SLC37A1: variants seen among roughly 807,000 people sequenced by gnomAD.
The protein encoded by SLC37A1 is glucose-6-phosphate exchanger SLC37A1.
A neutral mutation model predicts 75.3 loss-of-function variants in SLC37A1; 49 were observed. The observed-to-expected ratio is 0.65, with a 90% CI of 0.52 to 0.83. The LOEUF (loss-of-function observed/expected upper bound fraction) is 0.83. Ranked by LOEUF, SLC37A1 falls within the 40% of genes least tolerant of loss-of-function variation. The pLI, the probability that SLC37A1 is intolerant of heterozygous loss-of-function variation, is 0.00. For missense variants in SLC37A1, 566 were observed against 695.0 expected (o/e 0.81, Z 2.09); for synonymous variants, 268 against 292.1 (o/e 0.92, Z 0.84).
chr21:42,541,354 G>A (rs868336082), intron 6 of SLC37A1, among the ~76,000 whole-genome samples: 2 of 152,080 alleles, frequency 1.3e-5, no homozygotes, highest in Admixed American at 6.5e-5. Flanking sequence ...GCTTACTGCA[G>A]TGAGGTGGTC....
At chr21:42,517,577 T>G (rs2054545631) in intron 1 of SLC37A1, among the ~76,000 whole-genome samples, 1 of 152,170 alleles carries the variant, frequency 6.6e-6, no homozygotes, top group Admixed American at 6.5e-5. Context: ...CTCAGGAATG[T>G]CATGAGTTTG....
At chr21:42,526,097 G>T in intron 3 of SLC37A1, 1 of 440,444 alleles carries the variant, frequency 2.3e-6, no homozygotes, top group South Asian at 3.6e-5. Flanking sequence ...GACATTTCCA[G>T]AATTTGAAAG....
intron 2 of SLC37A1, among the ~76,000 whole-genome samples, chr21:42,521,004 A>G (rs2054634852): frequency 6.6e-6 from 1 of 152,224 alleles, no homozygotes; most frequent in Non-Finnish European, 1.5e-5. Context: ...AGTAGGAGAA[A>G]TGCACGCTCG....
intron 12 of SLC37A1, 33 bp downstream of exon 12, chr21:42,562,201 G>A (rs532569450): frequency 4.5e-5 from 71 of 1,583,708 alleles, no homozygotes; most frequent in East Asian, 3.4e-4. Context: ...ATTAAATTCC[G>A]CACAGTGACT....
In SLC37A1 at chr21:42,539,433, C is replaced by A. The variant is rs763143679; in HGVS notation, c.351-79C>A. On this transcript the variant is annotated intron_variant, in intron 5 of 19. Transcript: ENST00000352133. ...GCTCAGAGAACAGCATGAAAGCATC[C>A]GGCAAGAAACAGCCACGAGGTTGCT... The A allele has an allele frequency of 2.0e-6, 3 of 1,486,010 alleles. No individual in the cohort carries two copies. The East Asian group carries it at 7.3e-5, about 36-fold the overall frequency. 92.1% of individuals were successfully genotyped at this position (1,486,010 alleles called of 1,614,324 possible). A position where few individuals can be genotyped will look rare whatever the true frequency, so the allele number is the denominator to read the frequency against.
chr21:42,557,296 G>A (rs893604950), intron 10 of SLC37A1, among the ~76,000 whole-genome samples: 8 of 152,384 alleles, frequency 5.2e-5, no homozygotes, highest in South Asian at 2.1e-4. Context: ...GACTGCTTCC[G>A]TGGGGCTGGG....
At position 42,575,624 on chromosome 21, in the gene SLC37A1, C is replaced by T. The variant is rs898751481; in HGVS notation, c.1521+709C>T. On this transcript the variant is annotated intron_variant, in intron 18 of 19. Transcript: ENST00000352133. Reference sequence around the variant, plus strand: ...ATACACATCTTTACAAGTCACCTGGCCACAAAGTCCCCAGACCCACAGCCA... The same window carrying T: ...ATACACATCTTTACAAGTCACCTGGTCACAAAGTCCCCAGACCCACAGCCA... 3.0e-6 allele frequency: 3 copies of T among 985,362 alleles called. No homozygotes were observed. The African/African-American group carries it at 5.2e-5, about 17-fold the overall frequency. 61.0% of individuals were successfully genotyped at this position (985,362 alleles called of 1,614,324 possible). A position where few individuals can be genotyped will look rare whatever the true frequency, so the allele number is the denominator to read the frequency against.
intron 12 of SLC37A1, among the ~76,000 whole-genome samples, chr21:42,563,476 C>CCCTGTGGTCAGACAGCA (rs143428135): frequency 6.6e-6 from 1 of 151,950 alleles, no homozygotes; most frequent in African/African-American, 2.4e-5. Flanking sequence ...AGTTCTAAAG[C>CCCTGTGGTCAGACAGCA]CGTGTGACAG....
intron 1 of SLC37A1, among the ~76,000 whole-genome samples, chr21:42,500,255 A>G (rs1401477445): frequency 6.6e-6 from 1 of 152,240 alleles, no homozygotes. Context: ...ATGCATATTT[A>G]TAAACAAACA....
chr21:42,564,065 ACT>A (rs370021167), intron 13 of SLC37A1, among the ~76,000 whole-genome samples, 188 bp downstream of exon 13: 68 of 151,680 alleles, frequency 4.5e-4, no homozygotes, highest in African/African-American at 1.6e-3. Context: ...CAGGGCCCTG[ACT>A]CTGCACTTGA....
At chr21:42,525,209 T>C (rs1181981805) in intron 2 of SLC37A1, among the ~76,000 whole-genome samples, 2 of 152,244 alleles carry the variant, frequency 1.3e-5, no homozygotes, top group African/African-American at 4.8e-5. Context: ...TCGTTTATAA[T>C]AAAGCAGTAA....
intron 3 of SLC37A1, among the ~76,000 whole-genome samples, chr21:42,531,763 A>T (rs1475008451): frequency 3.9e-5 from 6 of 152,208 alleles, no homozygotes; most frequent in African/African-American, 1.4e-4. Flanking sequence ...GATAAAACTC[A>T]TAGAAATACT....
chr21:42,558,907 T>G, intron 10 of SLC37A1, 51 bp from the exon 11 acceptor site: 1 of 1,611,264 alleles, frequency 6.2e-7, no homozygotes, highest in South Asian at 1.1e-5. Context: ...TCACCCAGAC[T>G]GCCCGGCTGG....
chr21:42,533,104 G>A (rs1161933077), intron 3 of SLC37A1, among the ~76,000 whole-genome samples: 1 of 152,168 alleles, frequency 6.6e-6, no homozygotes, highest in Non-Finnish European at 1.5e-5. Context: ...AAGAGGGGGG[G>A]CAGGACTTCC....
chr21:42,510,151 C>T (rs1047851910), upstream of SLC37A1, among the ~76,000 whole-genome samples: 53 of 152,342 alleles, frequency 3.5e-4, no homozygotes, highest in Non-Finnish European at 1.3e-4. Context: ...CCTCAGCCTC[C>T]TGAGTAGCTG....
intron 10 of SLC37A1, among the ~76,000 whole-genome samples, chr21:42,554,906 A>T (rs976443029): frequency 1.3e-5 from 2 of 151,652 alleles, no homozygotes; most frequent in Non-Finnish European, 2.9e-5. Flanking sequence ...CGGGCATTTT[A>T]AATTTGAGTT....
intron 11 of SLC37A1, among the ~76,000 whole-genome samples, chr21:42,560,183 T>C (rs2055793501): frequency 6.6e-6 from 1 of 152,132 alleles, no homozygotes; most frequent in Non-Finnish European, 1.5e-5. Context: ...TTTTATTACA[T>C]TGATGGACTC....
At chr21:42,562,998 A>G (rs1053653576) in intron 12 of SLC37A1, among the ~76,000 whole-genome samples, 2 of 152,114 alleles carry the variant, frequency 1.3e-5, no homozygotes, top group Non-Finnish European at 2.9e-5. Flanking sequence ...ACGAGGCTGG[A>G]GACTGAATAC....
At chr21:42,518,639 C>A (rs545014433) in intron 2 of SLC37A1, 129 bp downstream of exon 2, 2 of 1,045,678 alleles carry the variant, frequency 1.9e-6, no homozygotes, top group African/African-American at 3.2e-5. Flanking sequence ...CACCCATAAC[C>A]GTTGAATTGC....
Sources: allele counts gnomAD v4.1 joint callset (sites outside exome capture counted in the v4.1 genomes callset), GRCh38; gene constraint gnomAD v4.1.1; transcripts MANE v1.5; gene names NCBI Gene and HGNC (gene_info 2026-07-23, HGNC 2026-07-21).